KAT6A: variants seen among roughly 807,000 people sequenced by gnomAD.
KAT6A encodes the protein histone acetyltransferase KAT6A.
In KAT6A, 9 loss-of-function variants were observed where a neutral mutation model predicts 198.4. That is an observed-to-expected ratio of 0.05 (90% CI 0.03 to 0.08). The LOEUF (loss-of-function observed/expected upper bound fraction) is 0.08. Ranked by LOEUF, KAT6A falls within the 10% of genes least tolerant of loss-of-function variation. KAT6A has a pLI of 1.00. For synonymous variants in KAT6A, 890 were observed against 883.0 expected, an observed-to-expected ratio of 1.01 and a Z score of -0.14; for missense variants, 2,077 against 2,509.9, an observed-to-expected ratio of 0.83 and a Z score of 3.69.
At chr8:41,995,231 T>C (rs1825141594) in intron 2 of KAT6A, among the ~76,000 whole-genome samples, 1 of 152,124 alleles carries the variant, frequency 6.6e-6, no homozygotes, top group Non-Finnish European at 1.5e-5. Flanking sequence ...TGTAGTGCAG[T>C]AATAATCACA....
intron 8 of KAT6A, among the ~76,000 whole-genome samples, chr8:41,959,155 T>C (rs549053749): frequency 0.14 from 14,130 of 102,152 alleles, 981 homozygotes; most frequent in South Asian, 0.29. Flanking sequence ...AGCCAGACTG[T>C]CTCGAAAAAA....
At position 41,943,852 on chromosome 8, in the gene KAT6A, G is replaced by A. The variant is rs753495507; in HGVS notation, c.2124C>T (p.Asp708=). ...VILECLYHQN[D]KQISIKKLSK... Reference sequence around the variant, plus strand: ...TTAACTTCTTAATGCTGATCTGCTTGTCATTTTGGTGATAAAGGCACTCCA... The same window carrying A: ...TTAACTTCTTAATGCTGATCTGCTTATCATTTTGGTGATAAAGGCACTCCA... Residue 708 remains aspartate (D), a synonymous_variant, in exon 13 of 17, where the codon GAC becomes GAT. Coordinates refer to ENST00000265713, the MANE Select transcript of KAT6A (RefSeq NM_006766.5). The A allele has an allele frequency of 3.2e-5, 52 of 1,613,726 alleles. No individual in the cohort carries two copies. The highest frequency in any genetic ancestry group is 4.2e-5 in the Non-Finnish European group (49 of 1,179,918).
chr8:41,980,306 C>T (rs1204603316), intron 5 of KAT6A, among the ~76,000 whole-genome samples: 1 of 152,060 alleles, frequency 6.6e-6, no homozygotes, highest in African/African-American at 2.4e-5. Context: ...TAACATTAAG[C>T]TGCGCCCTTA....
At chr8:41,996,373 A>C (rs2150899417) in intron 2 of KAT6A, among the ~76,000 whole-genome samples, 1 of 152,386 alleles carries the variant, frequency 6.6e-6, no homozygotes, top group Non-Finnish European at 1.5e-5. Context: ...TCCAATTAAA[A>C]GAGTATGGAA....
intron 8 of KAT6A, among the ~76,000 whole-genome samples, chr8:41,960,439 G>A (rs968340580): frequency 6.7e-6 from 1 of 149,432 alleles, no homozygotes; most frequent in African/African-American, 2.5e-5. Context: ...CCCGGGAGGC[G>A]GAGCTTGCAG....
rs752434570 is a variant in KAT6A, at chr8:41,943,902, T to C, written c.2074A>G (p.Met692Val). Reference sequence around the variant, plus strand: ...AATATTACACTTTTCCAATATGCCATGTAGGAAAGACGACCCAGATCAGAT... The same window carrying C: ...AATATTACACTTTTCCAATATGCCACGTAGGAAAGACGACCCAGATCAGAT... ...PLSDLGRLSY[M>V]AYWKSVILEC... is the part of the protein sequence containing the mutation. Residue 692 changes from methionine to valine, a missense_variant, in exon 13 of 17, where the codon ATG becomes GTG. Met to Val is a conservative substitution (Grantham distance 21). Around this residue, in one of 13 missense-constraint regions of KAT6A, gnomAD observed 127 missense variants for 209.6 expected, o/e 0.61. Transcript: ENST00000265713. 1.2e-6 allele frequency: 2 copies of C among 1,613,896 alleles called. No homozygotes were observed. Among genetic ancestry groups the C allele is most frequent in the Admixed American group, 1.7e-5 (1 of 59,990 alleles).
chr8:41,999,983 G>A (rs1268429991), intron 2 of KAT6A, among the ~76,000 whole-genome samples: 1 of 152,150 alleles, frequency 6.6e-6, no homozygotes, highest in Admixed American at 6.5e-5. Context: ...ATCCTTCAAA[G>A]CTTATTTTTG....
At chr8:41,948,659 T>C (rs552331398) in intron 10 of KAT6A, among the ~76,000 whole-genome samples, 4 of 152,282 alleles carry the variant, frequency 2.6e-5, no homozygotes, top group African/African-American at 7.2e-5. Flanking sequence ...TCAAACAGTA[T>C]ATACCACACC....
intron 2 of KAT6A, among the ~76,000 whole-genome samples, chr8:42,009,291 T>C (rs1188783742): frequency 6.6e-6 from 1 of 152,082 alleles, no homozygotes; most frequent in African/African-American, 2.4e-5. Flanking sequence ...AGTAAAATAT[T>C]AAAAGGTAAT....
intron 2 of KAT6A, among the ~76,000 whole-genome samples, chr8:42,032,574 G>A (rs1421461017): frequency 6.6e-6 from 1 of 152,094 alleles, no homozygotes. Flanking sequence ...CAATCAAAGA[G>A]AGCAAAAGGT....
chr8:42,003,895 A>G (rs539526439), intron 2 of KAT6A, among the ~76,000 whole-genome samples: 54 of 152,322 alleles, frequency 3.5e-4, no homozygotes, highest in Non-Finnish European at 4.7e-4. Context: ...CTGCAAGACA[A>G]GGAGAGAGGA....
intron 3 of KAT6A, 145 bp downstream of exon 3, chr8:41,987,310 A>G: frequency 1.6e-6 from 1 of 607,722 alleles, no homozygotes; most frequent in South Asian, 1.9e-5. Flanking sequence ...TTCTAAAGAC[A>G]TGTTTCTCAG....
chr8:42,009,526 G>A (rs1166562705), intron 2 of KAT6A, among the ~76,000 whole-genome samples: 2 of 151,292 alleles, frequency 1.3e-5, no homozygotes, highest in African/African-American at 4.9e-5. Context: ...ACGACTAATG[G>A]GTGCATGTGG....
intron 2 of KAT6A, among the ~76,000 whole-genome samples, chr8:42,026,883 A>G (rs1826843883): frequency 6.6e-6 from 1 of 152,174 alleles, no homozygotes. Context: ...CCCACTTAGT[A>G]TAACGTTAGC....
At chr8:42,037,141 T>C (rs1254617816) in intron 2 of KAT6A, among the ~76,000 whole-genome samples, 1 of 152,118 alleles carries the variant, frequency 6.6e-6, no homozygotes, top group Non-Finnish European at 1.5e-5. Context: ...TCACTACTAG[T>C]CAAATTTAAT....
At chr8:41,963,772 C>G (rs946544767) in intron 8 of KAT6A, among the ~76,000 whole-genome samples, 1 of 152,148 alleles carries the variant, frequency 6.6e-6, no homozygotes, top group African/African-American at 2.4e-5. Context: ...CTTTAAAGAG[C>G]TACTTTACCT....
intron 2 of KAT6A, among the ~76,000 whole-genome samples, chr8:42,017,250 C>T (rs1826319553): frequency 6.6e-6 from 1 of 152,200 alleles, no homozygotes; most frequent in Non-Finnish European, 1.5e-5. Context: ...GAAGTCTGGG[C>T]TATTCATTCA....
intron 2 of KAT6A, among the ~76,000 whole-genome samples, chr8:42,038,374 A>G (rs1827479402): frequency 6.6e-6 from 1 of 152,226 alleles, no homozygotes; most frequent in African/African-American, 2.4e-5. Flanking sequence ...AAGAGTGTAT[A>G]GCTATTTTCA....
At chr8:42,013,775 G>C (rs747330712) in intron 2 of KAT6A, among the ~76,000 whole-genome samples, 2 of 152,136 alleles carry the variant, frequency 1.3e-5, no homozygotes, top group Non-Finnish European at 2.9e-5. Flanking sequence ...CAGATTTAAA[G>C]GGACAAGAAC....
Sources: allele counts gnomAD v4.1 joint callset (sites outside exome capture counted in the v4.1 genomes callset), GRCh38; gene constraint gnomAD v4.1.1; regional missense constraint gnomAD v4.1.1; transcripts MANE v1.5; gene names NCBI Gene and HGNC (gene_info 2026-07-23, HGNC 2026-07-21).